SSC4D: variants seen among roughly 807,000 people sequenced by gnomAD.
The protein encoded by SSC4D is scavenger receptor cysteine rich family member with 4 domains, also known as scavenger receptor cysteine-rich domain-containing group B protein.
SSC4D carries 57 observed loss-of-function variants against 63.4 expected under a neutral mutation model. The ratio of observed to expected loss-of-function variants is 0.90; its 90% confidence interval spans 0.73 to 1.12. SSC4D has a LOEUF of 1.12. Ranked by LOEUF, SSC4D falls within the 50% of genes most tolerant of loss-of-function variation. The pLI, the probability that SSC4D is intolerant of heterozygous loss-of-function variation, is 0.00. For synonymous variants in SSC4D, 352 were observed against 345.4 expected (o/e 1.02, Z -0.21); for missense variants, 791 against 806.4 (o/e 0.98, Z 0.23).
chr7:76,401,384 T>C (rs1203227913), intron 2 of SSC4D, among the ~76,000 whole-genome samples: 2 of 151,884 alleles, frequency 1.3e-5, no homozygotes, highest in East Asian at 3.9e-4. Flanking sequence ...TTCTAGAATC[T>C]TCTAACCATT....
At chr7:76,403,650 T>C (rs893761634) in intron 2 of SSC4D, among the ~76,000 whole-genome samples, 1 of 150,330 alleles carries the variant, frequency 6.7e-6, no homozygotes, top group African/African-American at 2.5e-5. Flanking sequence ...CAACTTATTC[T>C]TATTTATTTA....
chr7:76,389,926 C>G lies in SSC4D; in HGVS notation c.*133G>C. ...GCTCCCCCAAGCAGGACTGCACTGT[C>G]TAGGTAGGCTCTCTCCCAGGCAAGG... On this transcript the variant is annotated 3_prime_UTR_variant, in exon 11 of 11. Transcript: ENST00000275560. 2 of 1,201,478 alleles carry G rather than the reference C, an allele frequency of 1.7e-6. No individual in the cohort carries two copies. Among genetic ancestry groups the G allele is most frequent in the Non-Finnish European group, 2.4e-6 (2 of 844,050 alleles). The allele number at this position is 1,201,478 out of a possible 1,614,324, so 74.4% of individuals were successfully genotyped here. A position where few individuals can be genotyped will look rare whatever the true frequency, so the allele number is the denominator to read the frequency against.
intron 1 of SSC4D, among the ~76,000 whole-genome samples, chr7:76,405,342 T>TCTTTC (rs1254961705): frequency 1.5e-3 from 128 of 85,828 alleles, no homozygotes; most frequent in Non-Finnish European, 1.8e-3. Flanking sequence ...TTTCTTTCTT[T>TCTTTC]TTTTTTTTTT....
intron 6 of SSC4D, among the ~76,000 whole-genome samples, chr7:76,395,548 T>C (rs1804615949): frequency 6.6e-6 from 1 of 152,218 alleles, no homozygotes; most frequent in Non-Finnish European, 1.5e-5. Flanking sequence ...CTTCAGTTTA[T>C]ACAGGGCTGT....
In SSC4D at chr7:76,406,224, C is replaced by T. The variant is rs559242323; in HGVS notation, c.-66-1719G>A. Among the ~76,000 whole-genome samples the T allele has an allele frequency of 1.4e-4, 22 of 152,172 alleles. No homozygotes were observed. The South Asian group carries it at 2.9e-3, about 20-fold the overall frequency. Reference sequence around the variant, plus strand: ...AACTCCTGACCTCAGGTGATCCACGCGCCTCAGCCTCCCAAAGTGCTGGGA... The same window carrying T: ...AACTCCTGACCTCAGGTGATCCACGTGCCTCAGCCTCCCAAAGTGCTGGGA... On this transcript the variant is annotated intron_variant, in intron 1 of 10. Coordinates refer to ENST00000275560, the MANE Select transcript of SSC4D (RefSeq NM_080744.2).
In SSC4D at chr7:76,400,555, C is replaced by T. The variant is rs1804786968; in HGVS notation, c.206G>A (p.Gly69Asp). 1 of 1,509,924 alleles carries T rather than the reference C, an allele frequency of 6.6e-7. No individual in the cohort carries two copies. Among genetic ancestry groups the T allele is most frequent in the African/African-American group, 1.4e-5 (1 of 71,464 alleles). 93.5% of individuals were successfully genotyped at this position (1,509,924 alleles called of 1,614,324 possible). The change falls in exon 4 of 11, where the codon GGC (glycine) becomes GAC (aspartate). Residue 69 changes from glycine (G) to aspartate (D), a missense_variant. Gly to Asp is a moderately conservative substitution (Grantham distance 94). Coordinates refer to ENST00000275560, the MANE Select transcript of SSC4D (RefSeq NM_080744.2). ...GCCACCGTGCATGACTTCCAGGCGGCCCCGGCAGCGGCTGGGGCCCCCCAC... is the reference window on the plus strand; with the variant it reads ...GCCACCGTGCATGACTTCCAGGCGGTCCCGGCAGCGGCTGGGGCCCCCCAC... ...RLVGGPSRCRGRLEVMHGGSW... is the reference protein window; with the variant it reads ...RLVGGPSRCRDRLEVMHGGSW...
intron 1 of SSC4D, among the ~76,000 whole-genome samples, chr7:76,407,892 G>T (rs531361366): frequency 1.3e-5 from 2 of 152,198 alleles, no homozygotes; most frequent in Non-Finnish European, 2.9e-5. Context: ...CTGGTTGGTT[G>T]GGGAGAGATG....
At chr7:76,391,925 G>C (rs1406554913) in intron 10 of SSC4D, 39 bp downstream of exon 10, 1 of 1,559,994 alleles carries the variant, frequency 6.4e-7, no homozygotes, top group Non-Finnish European at 8.7e-7. Flanking sequence ...TTAAGACCCC[G>C]ATGCCTCCAC....
intron 4 of SSC4D, among the ~76,000 whole-genome samples, chr7:76,399,032 G>T (rs1297393218): frequency 6.6e-6 from 1 of 152,102 alleles, no homozygotes; most frequent in Non-Finnish European, 1.5e-5. Flanking sequence ...TATTTTTTGA[G>T]ATGGAGTCTT....
rs146956663 is a variant in SSC4D at position 76,400,310 on chromosome 7, C to T, written c.451G>A (p.Glu151Lys). Residue 151 changes from glutamate (E) to lysine (K), a missense_variant, in exon 4 of 11, where the codon GAG becomes AAG. Glu to Lys is a moderately conservative substitution (Grantham distance 56). Coordinates refer to ENST00000275560, the MANE Select transcript of SSC4D (RefSeq NM_080744.2). ...GWGVHNCFHYEDVAVLCDEFL... is the reference protein window; with the variant it reads ...GWGVHNCFHYKDVAVLCDEFL... ...CCATCACACAGGACAGCCACATCCT[C>T]GTAGTGAAAGCAATTGTGGACGCCC... 27 of 1,501,660 alleles carry T rather than the reference C, an allele frequency of 1.8e-5. No homozygotes were observed. The highest frequency in any genetic ancestry group is 1.3e-4 in the Admixed American group (6 of 44,704). 93.0% of individuals were successfully genotyped at this position (1,501,660 alleles called of 1,614,324 possible). A position where few individuals can be genotyped will look rare whatever the true frequency, so the allele number is the denominator to read the frequency against.
At chr7:76,404,562 T>TG in intron 1 of SSC4D, 57 bp from the exon 2 acceptor site, 1 of 1,446,216 alleles carries the variant, frequency 6.9e-7, no homozygotes, top group East Asian at 2.3e-5. Context: ...GAGGCCGAGG[T>TG]GGGAGGATTG....
At chr7:76,397,191 T>C (rs1584021535) in intron 6 of SSC4D, among the ~76,000 whole-genome samples, 1 of 152,146 alleles carries the variant, frequency 6.6e-6, no homozygotes, top group African/African-American at 2.4e-5. Flanking sequence ...CAAGCGATTC[T>C]CCTGCCTCAG....
chr7:76,389,995 T>A lies in SSC4D; in HGVS notation c.*64A>T, dbSNP rs777459017. ...ACTGTAGTCATCACAAGAGGAGGGC[T>A]TCCTGGAGGAGGAAGGGAGGTCACA... On this transcript the variant is annotated 3_prime_UTR_variant, in exon 11 of 11. Coordinates refer to ENST00000275560, the MANE Select transcript of SSC4D (RefSeq NM_080744.2). The A allele has an allele frequency of 6.2e-7, 1 of 1,602,126 alleles. No individual in the cohort carries two copies. Among genetic ancestry groups the A allele is most frequent in the South Asian group, 1.1e-5 (1 of 89,542 alleles).
intron 2 of SSC4D, among the ~76,000 whole-genome samples, chr7:76,402,511 G>T (rs957004553): frequency 6.6e-6 from 1 of 151,520 alleles, no homozygotes; most frequent in African/African-American, 2.4e-5. Flanking sequence ...AGAGACAGGG[G>T]TCTCACTTTG....
Position 76,393,602 on chromosome 7 carries a change from C to T in SSC4D, c.1136G>A (p.Arg379His). Residue 379 changes from arginine to histidine, a missense_variant, in exon 9 of 11, where the codon CGC becomes CAC. By Grantham distance (29) the Arg-to-His change is conservative. Transcript: ENST00000275560. ...CDDDWDFADA[R>H]VACREAGCGP... Reference sequence around the variant, plus strand: ...GCAGCCCGCTTCGCGGCAGGCCACGCGCGCGTCCGCAAAGTCCCAGTCATC... The same window carrying T: ...GCAGCCCGCTTCGCGGCAGGCCACGTGCGCGTCCGCAAAGTCCCAGTCATC... 1 of 1,504,966 alleles carries T rather than the reference C, an allele frequency of 6.6e-7. No homozygotes were observed. The highest frequency in any genetic ancestry group is 8.8e-7 in the Non-Finnish European group (1 of 1,133,386). 93.2% of individuals were successfully genotyped at this position (1,504,966 alleles called of 1,614,324 possible).
rs765137498 is a variant in SSC4D at position 76,398,774 on chromosome 7, T to G, written c.499A>C (p.Thr167Pro). Reference protein sequence around the residue: ...CDEFLPTQPPTRKMLTSRAPP... With the variant: ...CDEFLPTQPPPRKMLTSRAPP... ...GCTCTACTGGTTAACATCTTCCTTG[T>G]TGGGGGCTGCGTTGGCAAGAATTCT... The change falls in exon 5 of 11, where the codon ACA becomes CCA. Residue 167 changes from threonine (T) to proline (P), a missense_variant. By Grantham distance (38) the Thr-to-Pro change is conservative. Transcript: ENST00000275560. 37 of 1,613,020 alleles carry G rather than the reference T, an allele frequency of 2.3e-5. No homozygotes were observed. Among genetic ancestry groups the G allele is most frequent in the Non-Finnish European group, 2.9e-5 (34 of 1,179,370 alleles).
At chr7:76,394,408 ATTTTT>A (rs56223813) in intron 7 of SSC4D, among the ~76,000 whole-genome samples, 1 of 134,266 alleles carries the variant, frequency 7.4e-6, no homozygotes, top group African/African-American at 2.8e-5. Context: ...TGCCCAGCTA[ATTTTT>A]TTTTTTTTTT....
chr7:76,391,260 C>T (rs1043165434), intron 10 of SSC4D, among the ~76,000 whole-genome samples: 47 of 152,110 alleles, frequency 3.1e-4, no homozygotes, highest in African/African-American at 4.3e-4. Flanking sequence ...ATGGTGAAAC[C>T]CTGTCTCTAC....
At chr7:76,395,101 C>G in intron 7 of SSC4D, 152 bp downstream of exon 7, 1 of 774,998 alleles carries the variant, frequency 1.3e-6, no homozygotes, top group Non-Finnish European at 2.1e-6. Flanking sequence ...GCTCCGTCTG[C>G]TCATAATTGT....
Sources: allele counts gnomAD v4.1 joint callset (sites outside exome capture counted in the v4.1 genomes callset), GRCh38; gene constraint gnomAD v4.1.1; transcripts MANE v1.5; gene names NCBI Gene and HGNC (gene_info 2026-07-23, HGNC 2026-07-21).